ANK2: variants seen among roughly 807,000 people sequenced by gnomAD.
ANK2 encodes ankyrin 2.
ANK2 carries 83 observed loss-of-function variants against 360.5 expected under a neutral mutation model. The observed-to-expected ratio is 0.23, with a 90% CI of 0.19 to 0.28. ANK2 has a LOEUF of 0.28. ANK2 is among the 10% of genes least tolerant of loss of function. The pLI, the probability that ANK2 is intolerant of heterozygous loss-of-function variation, is 1.00. For synonymous variants in ANK2, 1,740 were observed against 1,759.5 expected, an observed-to-expected ratio of 0.99 and a Z score of 0.28; for missense variants, 4,201 against 4,795.7, an observed-to-expected ratio of 0.88 and a Z score of 3.66.
intron 2 of ANK2, among the ~76,000 whole-genome samples, chr4:113,013,392 T>C (rs1291349925): frequency 6.6e-6 from 1 of 152,170 alleles, no homozygotes; most frequent in Non-Finnish European, 1.5e-5. Context: ...GAGCAGAAAC[T>C]TGAGGACTCC....
rs183788121 is a variant in ANK2 at position 113,114,960 on chromosome 4, A to G, written c.85-59456A>G. Reference sequence around the variant, plus strand: ...TAAGCTAAATGGACATCCACCAATCAAGTAAGACTTGCTTGTTGCGAACAT... The same window carrying G: ...TAAGCTAAATGGACATCCACCAATCGAGTAAGACTTGCTTGTTGCGAACAT... On this transcript the variant is annotated intron_variant, in intron 1 of 45. Coordinates refer to ENST00000357077, the MANE Select transcript of ANK2 (RefSeq NM_001148.6). 2.5e-4 allele frequency among the ~76,000 whole-genome samples: 38 copies of G among 152,296 alleles called. 1 individual carries two copies. The East Asian group carries it at 3.5e-3, about 14-fold the overall frequency.
chr4:113,066,629 A>G (rs559133962), intron 1 of ANK2, among the ~76,000 whole-genome samples: 1 of 152,274 alleles, frequency 6.6e-6, no homozygotes, highest in Non-Finnish European at 1.5e-5. Flanking sequence ...TAAAGAATAA[A>G]TAGGAGTGAG....
At chr4:113,135,523 C>G (rs11098189) in intron 1 of ANK2, among the ~76,000 whole-genome samples, 85,351 of 149,240 alleles carry the variant, frequency 0.57, 25,878 homozygotes, top group African/African-American at 0.79. Flanking sequence ...GTGTGTCTCT[C>G]TGTGTGTGTG....
chr4:113,376,962 T>C (rs577757309), intron 45 of ANK2, among the ~76,000 whole-genome samples: 2 of 152,256 alleles, frequency 1.3e-5, no homozygotes, highest in Admixed American at 1.3e-4. Context: ...TGTCATATCC[T>C]AAGAAAACAA....
chr4:112,722,957 G>A, the ANK2 span, among the ~76,000 whole-genome samples: 1 of 151,580 alleles, frequency 6.6e-6, no homozygotes, highest in Non-Finnish European at 1.5e-5. Context: ...GAGACCCTGT[G>A]TCAAGAAAAG....
At chr4:113,018,484 A>G (rs1379587975) in intron 2 of ANK2, among the ~76,000 whole-genome samples, 1 of 152,244 alleles carries the variant, frequency 6.6e-6, no homozygotes, top group African/African-American at 2.4e-5. Flanking sequence ...TTTCTTTACT[A>G]TTTGACAGCT....
chr4:113,061,697 C>A (rs1385464233), intron 1 of ANK2, among the ~76,000 whole-genome samples: 1 of 151,874 alleles, frequency 6.6e-6, no homozygotes, highest in African/African-American at 2.4e-5. Context: ...TTTATATTTG[C>A]CTGGATATTT....
intron 2 of ANK2, among the ~76,000 whole-genome samples, chr4:113,193,424 A>G (rs2098701734): frequency 6.6e-6 from 1 of 152,226 alleles, no homozygotes; most frequent in East Asian, 1.9e-4. Context: ...ACCGCAGTGA[A>G]TAAGTACCCT....
intron 1 of ANK2, among the ~76,000 whole-genome samples, chr4:112,853,154 C>T (rs532572756): frequency 1.3e-5 from 2 of 152,246 alleles, no homozygotes; most frequent in African/African-American, 4.8e-5. Flanking sequence ...CTGCAACCTC[C>T]AACTCCCTGG....
intron 1 of ANK2, among the ~76,000 whole-genome samples, chr4:112,830,315 T>C (rs1173203239): frequency 6.6e-6 from 1 of 152,142 alleles, no homozygotes; most frequent in African/African-American, 2.4e-5. Context: ...AATACTACAG[T>C]CATTAAAATG....
chr4:112,938,954 G>A (rs1561190270), intron 2 of ANK2, among the ~76,000 whole-genome samples: 1 of 152,164 alleles, frequency 6.6e-6, no homozygotes, highest in African/African-American at 2.4e-5. Flanking sequence ...TAATGTGAAA[G>A]TTGATTTCTT....
At chr4:112,797,359 G>A in the ANK2 span, 1 of 152,270 alleles carries the variant, frequency 6.6e-6, no homozygotes, top group Non-Finnish European at 1.5e-5. Context: ...GTCCTGTGAC[G>A]ATCTTAGGTA....
At chr4:113,081,009 T>C (rs933471290) in intron 1 of ANK2, among the ~76,000 whole-genome samples, 1 of 152,218 alleles carries the variant, frequency 6.6e-6, no homozygotes, top group Non-Finnish European at 1.5e-5. Flanking sequence ...TATTTTAATC[T>C]ATAAAATAAA....
chr4:113,240,820 A>G (rs909257594), intron 8 of ANK2, among the ~76,000 whole-genome samples: 10 of 152,244 alleles, frequency 6.6e-5, no homozygotes, highest in African/African-American at 2.4e-4. Flanking sequence ...GTTAAGGATG[A>G]CATTCATTCT....
At position 113,354,610 on chromosome 4, in the gene ANK2, C is replaced by T; in HGVS notation, c.5992C>T (p.Gln1998Ter). 6.2e-7 allele frequency: 1 copy of T among 1,613,998 alleles called. No homozygotes were observed. The highest frequency in any genetic ancestry group is 8.5e-7 in the Non-Finnish European group (1 of 1,179,976). The change falls in exon 38 of 46, where the codon CAG becomes TAG. Residue 1998 changes from glutamine to a stop codon, truncating the protein, a stop_gained. Coordinates refer to ENST00000357077, the MANE Select transcript of ANK2 (RefSeq NM_001148.6). LOFTEE classifies it high-confidence loss of function. ...MSVRELMKAF[Q>*]SGQDPSKHKT... is the part of the protein sequence containing the mutation. ...TGTTCGGGAGCTGATGAAGGCTTTC[C>T]AGTCAGGTCAGGACCCTTCTAAACA...
At position 113,341,683 on chromosome 4, in the gene ANK2, A is replaced by G; in HGVS notation, c.3894-5A>G. On this transcript the variant is annotated splice_region_variant and splice_polypyrimidine_tract_variant and intron_variant, in intron 32 of 45. Coordinates refer to ENST00000357077, the MANE Select transcript of ANK2 (RefSeq NM_001148.6). ...TTAGATAACTGACTTTATTTATTTT[A>G]ATAGGTTCTGGCTGATAGATTGTCG... The G allele has an allele frequency of 6.2e-7, 1 of 1,613,698 alleles. No individual in the cohort carries two copies. The highest frequency in any genetic ancestry group is 8.5e-7 in the Non-Finnish European group (1 of 1,179,666).
intron 1 of ANK2, among the ~76,000 whole-genome samples, chr4:112,861,703 TCTAA>T (rs1477356471): frequency 6.6e-6 from 1 of 152,202 alleles, no homozygotes; most frequent in Non-Finnish European, 1.5e-5. Flanking sequence ...TGAAAGGGCT[TCTAA>T]CTCTTACATG....
At chr4:113,003,486 C>T (rs145997279) in intron 2 of ANK2, among the ~76,000 whole-genome samples, 31 of 151,568 alleles carry the variant, frequency 2.0e-4, no homozygotes, top group Non-Finnish European at 3.8e-4. Flanking sequence ...CTGGTCTGGC[C>T]GAATATTATT....
intron 2 of ANK2, among the ~76,000 whole-genome samples, chr4:112,992,700 G>C (rs1033189516): frequency 6.6e-6 from 1 of 152,088 alleles, no homozygotes; most frequent in Non-Finnish European, 1.5e-5. Context: ...GTAAGGGCAC[G>C]AATCTCATCA....
Sources: allele counts gnomAD v4.1 joint callset (sites outside exome capture counted in the v4.1 genomes callset), GRCh38; gene constraint gnomAD v4.1.1; transcripts MANE v1.5; gene names NCBI Gene and HGNC (gene_info 2026-07-23, HGNC 2026-07-21).